Variants in NLRC5 observed in about 807,000 individuals in gnomAD.
The protein encoded by NLRC5 is NLR family CARD domain containing 5, also known as protein NLRC5.
A neutral mutation model predicts 206.9 loss-of-function variants in NLRC5; 114 were observed. The observed-to-expected ratio is 0.55, with a 90% CI of 0.47 to 0.64. The LOEUF (loss-of-function observed/expected upper bound fraction) is 0.64, where lower values mean the gene tolerates loss of function less well. NLRC5 is among the 30% of genes least tolerant of loss of function. The pLI is 0.00. For missense variants in NLRC5, 2,008 were observed against 2,305.5 expected (o/e 0.87, Z 2.64); for synonymous variants, 952 against 962.8 (o/e 0.99, Z 0.21).
chr16:57,067,791 A>G lies in NLRC5; in HGVS notation c.4462A>G (p.Ser1488Gly), dbSNP rs1480715145. Residue 1488 changes from serine to glycine, a missense_variant, in exon 36 of 49, where the codon AGC (serine) becomes GGC (glycine). Physicochemically the swap from Ser to Gly is moderately conservative, Grantham distance 56. Coordinates refer to ENST00000688547, the MANE Select transcript of NLRC5 (RefSeq NM_001384950.1). ...DDDASSLLLQ[S>G]LLLSLSELKT... ...TGATGCCAGTTCCCTGCTGCTGCAG[A>G]GCCTCCTGCTGTCCCTCTCTGAGCT... 3 of 1,614,176 alleles carry G rather than the reference A, an allele frequency of 1.9e-6. No homozygotes were observed. Among genetic ancestry groups the G allele is most frequent in the African/African-American group, 1.3e-5 (1 of 75,036 alleles).
intron 11 of NLRC5, 130 bp from the exon 12 acceptor site, chr16:57,033,474 T>G (rs554367798): frequency 3.8e-6 from 3 of 784,192 alleles, no homozygotes; most frequent in Non-Finnish European, 6.6e-6. Flanking sequence ...CTGCAAGCAG[T>G]CTCCTTTGTT....
At chr16:57,077,175 TG>T in intron 40 of NLRC5, 120 bp from the exon 41 acceptor site, 1 of 855,050 alleles carries the variant, frequency 1.2e-6, no homozygotes, top group Non-Finnish European at 1.9e-6. Flanking sequence ...CATGGGGTGA[TG>T]GGGCTCTCTG....
rs1359484542 is a variant in NLRC5, at chr16:57,025,695, A to G, written c.752A>G (p.Asn251Ser). Residue 251 changes from asparagine (N) to serine (S), a missense_variant, in exon 6 of 49, where the codon AAC becomes AGC. Physicochemically the swap from Asn to Ser is conservative, Grantham distance 46. Transcript: ENST00000688547. ...CAGAAGTGGGCAGAGGGCCATCTGA[A>G]CTGTTTCCAGGCCCTGTTCCTTTTT... ...LCQKWAEGHL[N>S]CFQALFLFEF... 1.2e-6 allele frequency: 2 copies of G among 1,614,170 alleles called. No individual in the cohort carries two copies. Among genetic ancestry groups the G allele is most frequent in the Non-Finnish European group, 8.5e-7 (1 of 1,180,022 alleles).
At position 57,058,139 on chromosome 16, in the gene NLRC5, G is replaced by A. The variant is rs763050406; in HGVS notation, c.3821G>A (p.Gly1274Asp). Residue 1274 changes from glycine to aspartate, a missense_variant, in exon 28 of 49, where the codon GGT becomes GAT. By Grantham distance (94) the Gly-to-Asp change is moderately conservative. Coordinates refer to ENST00000688547, the MANE Select transcript of NLRC5 (RefSeq NM_001384950.1). Reference protein sequence around the residue: ...LECLPQVPISGLLDLSHNSIS... With the variant: ...LECLPQVPISDLLDLSHNSIS... ...TGTCTGCCGCAGGTGCCCATCTCCG[G>A]TTTGCTTGAGTAAGTGGAAAGCAGC... The A allele has an allele frequency of 6.2e-7, 1 of 1,607,520 alleles. No homozygotes were observed. Among genetic ancestry groups the A allele is most frequent in the Non-Finnish European group, 8.5e-7 (1 of 1,176,152 alleles).
intron 30 of NLRC5, among the ~76,000 whole-genome samples, chr16:57,061,137 T>A (rs1301031398): frequency 1.3e-5 from 2 of 152,206 alleles, no homozygotes; most frequent in African/African-American, 4.8e-5. Flanking sequence ...CTATGAGAAT[T>A]AAAGGAGACC....
chr16:57,026,323 G>C lies in NLRC5; in HGVS notation c.1380G>C (p.Leu460=). 1.2e-6 allele frequency: 2 copies of C among 1,613,918 alleles called. No individual in the cohort carries two copies. The highest frequency in any genetic ancestry group is 1.1e-5 in the South Asian group (1 of 91,090). The change falls in exon 6 of 49, where the codon CTG becomes CTC. Residue 460 remains leucine, a synonymous_variant. Transcript: ENST00000688547. The stretch of plus-strand genomic sequence containing the variant: ...TGCCCACCTCGTCCCTACTGGACCT[G>C]GGGGAGGTGGCCCTGAGGGGCCTGG... ...GHLPTSSLLD[L]GEVALRGLET...
chr16:57,002,078 G>A (rs2058323897), intron 1 of NLRC5, among the ~76,000 whole-genome samples: 1 of 152,112 alleles, frequency 6.6e-6, no homozygotes, highest in African/African-American at 2.4e-5. Context: ...GCAAATGATG[G>A]GATCTCATTC....
At chr16:57,030,906 C>T (rs1248402289) in intron 10 of NLRC5, among the ~76,000 whole-genome samples, 4 of 152,086 alleles carry the variant, frequency 2.6e-5, no homozygotes, top group South Asian at 2.1e-4. Context: ...CTCAGGAGTT[C>T]GAGACCAACC....
intron 15 of NLRC5, among the ~76,000 whole-genome samples, chr16:57,038,939 TAA>T (rs574142317): frequency 1.1e-3 from 122 of 108,224 alleles, no homozygotes; most frequent in African/African-American, 2.2e-3. Context: ...TGTCTCAAAT[TAA>T]AAAAAAAAAA....
chr16:57,061,863 C>T (rs3751710), intron 32 of NLRC5, 162 bp downstream of exon 32: 231,450 of 1,534,756 alleles, frequency 0.15, 18,410 homozygotes, highest in Non-Finnish European at 0.16. Flanking sequence ...GTCCCAGAGA[C>T]TCCACAAGGC....
Position 57,026,810 on chromosome 16 carries a change from C to G in NLRC5, c.1867C>G (p.Gln623Glu), listed in dbSNP as rs1425259409. The change falls in exon 6 of 49, where the codon CAG (glutamine) becomes GAG (glutamate). Residue 623 changes from glutamine (Q) to glutamate (E), a missense_variant. By Grantham distance (29) the Gln-to-Glu change is conservative (BLOSUM62 2). Coordinates refer to ENST00000688547, the MANE Select transcript of NLRC5 (RefSeq NM_001384950.1). ...VELCHCVDET[Q>E]EPELASLTAQ... ...GCTGTGTCACTGTGTGGATGAGACA[C>G]AGGAGCCTGAGCTGGCCAGTCTCAC... 1 of 1,614,104 alleles carries G rather than the reference C, an allele frequency of 6.2e-7. No homozygotes were observed. The highest frequency in any genetic ancestry group is 1.3e-5 in the African/African-American group (1 of 74,950).
At chr16:56,994,174 G>A (rs373041159) in intron 1 of NLRC5, among the ~76,000 whole-genome samples, 3 of 134,484 alleles carry the variant, frequency 2.2e-5, no homozygotes, top group South Asian at 2.8e-4. Flanking sequence ...CGGAGGGGCT[G>A]TATTTGCTCC....
intron 1 of NLRC5, among the ~76,000 whole-genome samples, chr16:56,995,651 G>A (rs1255772628): frequency 6.6e-6 from 1 of 152,148 alleles, no homozygotes; most frequent in Non-Finnish European, 1.5e-5. Flanking sequence ...TGTCCTGCAC[G>A]GTCCCTTCTG....
chr16:57,052,826 G>A (rs184177756), intron 24 of NLRC5: 1 of 152,286 alleles, frequency 6.6e-6, no homozygotes, highest in Non-Finnish European at 1.5e-5. Context: ...GACTCCTTTG[G>A]ACATAAAAGG....
intron 2 of NLRC5, among the ~76,000 whole-genome samples, chr16:57,017,888 C>A (rs543676744): frequency 6.6e-6 from 1 of 152,218 alleles, no homozygotes; most frequent in African/African-American, 2.4e-5. Context: ...AGTAACAGAG[C>A]TGGGCCATGG....
chr16:57,040,353 T>G (rs1347951183), intron 16 of NLRC5, among the ~76,000 whole-genome samples: 1 of 152,220 alleles, frequency 6.6e-6, no homozygotes, highest in Non-Finnish European at 1.5e-5. Flanking sequence ...CTGACATCTC[T>G]GAAGCACAGA....
intron 15 of NLRC5, among the ~76,000 whole-genome samples, chr16:57,038,461 T>C: frequency 6.6e-6 from 1 of 152,166 alleles, no homozygotes; most frequent in East Asian, 1.9e-4. Context: ...TCTTGCTATA[T>C]TGACCAGGCT....
At chr16:57,021,321 G>A (rs960504440) in intron 3 of NLRC5, among the ~76,000 whole-genome samples, 7 of 151,832 alleles carry the variant, frequency 4.6e-5, no homozygotes, top group Admixed American at 3.9e-4. Flanking sequence ...GGGTGGGGGG[G>A]TGTTTTTTGT....
In NLRC5 at chr16:57,008,414, T is replaced by G. The variant is rs143438997; in HGVS notation, c.-127-8660T>G. On this transcript the variant is annotated intron_variant, in intron 1 of 48. Transcript: ENST00000688547. ...CATGGTTTAACTTCTTACATTTAAA[T>G]TTTGGTTTCATCTAGACTTTATTTT... Among the ~76,000 whole-genome samples the G allele has an allele frequency of 1.3e-3, 199 of 152,358 alleles. 1 individual carries two copies. Among genetic ancestry groups the G allele is most frequent in the African/African-American group, 4.3e-3 (180 of 41,584 alleles).
Sources: allele counts gnomAD v4.1 joint callset (sites outside exome capture counted in the v4.1 genomes callset), GRCh38; gene constraint gnomAD v4.1.1; transcripts MANE v1.5; gene names NCBI Gene and HGNC (gene_info 2026-07-23, HGNC 2026-07-21).